NXPE2: variants seen among roughly 807,000 people sequenced by gnomAD.
NXPE2 encodes the protein NXPE family member 2.
Under a neutral mutation model 34.4 loss-of-function variants are expected in NXPE2, and 34 were observed. The ratio of observed to expected loss-of-function variants is 0.99; its 90% CI spans 0.75 to 1.31. The LOEUF (loss-of-function observed/expected upper bound fraction) is 1.31, where lower values mean the gene tolerates loss of function less well. Among genes scored for constraint, NXPE2 ranks in the 40% most tolerant of loss-of-function variants. The probability of loss-of-function intolerance (pLI) is 0.00; values close to 1 mark genes in which losing one functional copy is unlikely to be tolerated. For missense variants in NXPE2, 649 were observed against 672.5 expected, an observed-to-expected ratio of 0.97 and a Z score of 0.39; for synonymous variants, 235 against 231.3, an observed-to-expected ratio of 1.02 and a Z score of -0.15.
the NXPE2 span, among the ~76,000 whole-genome samples, chr11:114,613,782 C>A: frequency 2.0e-5 from 3 of 151,754 alleles, no homozygotes; most frequent in Admixed American, 1.3e-4. Flanking sequence ...TGGTGGGTAA[C>A]CACAGTTAGC....
the NXPE2 span, among the ~76,000 whole-genome samples, chr11:114,737,001 G>A: frequency 6.6e-6 from 1 of 152,134 alleles, no homozygotes; most frequent in Non-Finnish European, 1.5e-5. Flanking sequence ...CAACCTCTGA[G>A]TGCTAGCAAT....
At chr11:114,502,125 A>G in the NXPE2 span, among the ~76,000 whole-genome samples, 2 of 152,166 alleles carry the variant, frequency 1.3e-5, no homozygotes, top group Non-Finnish European at 2.9e-5. Flanking sequence ...TAACTGTGAC[A>G]CATACAAGTG....
intron 2 of NXPE2, among the ~76,000 whole-genome samples, chr11:114,688,313 T>G (rs183431627): frequency 2.6e-5 from 4 of 152,004 alleles, no homozygotes; most frequent in Non-Finnish European, 4.4e-5. Context: ...GGATTTTTAT[T>G]GAATGCTTTT....
Position 114,698,131 on chromosome 11 carries a change from A to G in NXPE2, c.219A>G (p.Pro73=). The G allele has an allele frequency of 6.2e-7, 1 of 1,614,116 alleles. No homozygotes were observed. Among genetic ancestry groups the G allele is most frequent in the Non-Finnish European group, 8.5e-7 (1 of 1,179,946 alleles). Residue 73 remains proline (P), a synonymous_variant, in exon 3 of 6, where the codon CCA becomes CCG. Transcript: ENST00000389586. ...KYSHSETPLC[P]AVSPKETELR... ...CACACTCTGAAACACCACTGTGTCC[A>G]GCAGTTTCACCAAAAGAGACTGAAC...
chr11:114,689,913 C>T (rs1348187656), intron 2 of NXPE2, among the ~76,000 whole-genome samples: 1 of 152,018 alleles, frequency 6.6e-6, no homozygotes, highest in Non-Finnish European at 1.5e-5. Flanking sequence ...GAATAACAAA[C>T]TTGGCTCTTT....
the NXPE2 span, among the ~76,000 whole-genome samples, chr11:114,665,145 A>C: frequency 6.6e-6 from 1 of 152,168 alleles, no homozygotes; most frequent in Non-Finnish European, 1.5e-5. Context: ...TAGCCTTGCC[A>C]CATCTTTCCC....
At chr11:114,614,533 T>A in the NXPE2 span, among the ~76,000 whole-genome samples, 1 of 151,848 alleles carries the variant, frequency 6.6e-6, no homozygotes. Context: ...GGGGAACCAG[T>A]GTTACCCAGT....
At chr11:114,686,662 A>G (rs1951053708) in intron 2 of NXPE2, among the ~76,000 whole-genome samples, 1 of 152,094 alleles carries the variant, frequency 6.6e-6, no homozygotes, top group Admixed American at 6.6e-5. Context: ...TTGAATGGCA[A>G]TTATATTTTT....
At chr11:114,671,682 G>T in the NXPE2 span, among the ~76,000 whole-genome samples, 1 of 152,010 alleles carries the variant, frequency 6.6e-6, no homozygotes, top group Non-Finnish European at 1.5e-5. Context: ...TCAACAGAGT[G>T]TTTTATCTAG....
chr11:114,616,485 G>A, the NXPE2 span, among the ~76,000 whole-genome samples: 1 of 151,652 alleles, frequency 6.6e-6, no homozygotes, highest in Non-Finnish European at 1.5e-5. Flanking sequence ...TTGCCTCGAG[G>A]GTAACCACTG....
At chr11:114,744,445 A>T in the NXPE2 span, among the ~76,000 whole-genome samples, 2 of 152,234 alleles carry the variant, frequency 1.3e-5, no homozygotes, top group Non-Finnish European at 2.9e-5. Flanking sequence ...TTTATTGTTG[A>T]TACTTTTAAA....
At chr11:114,810,053 T>G in the NXPE2 span, among the ~76,000 whole-genome samples, 1 of 151,220 alleles carries the variant, frequency 6.6e-6, no homozygotes, top group East Asian at 2.0e-4. Context: ...TACAACCATC[T>G]GATCTTTGAC....
the NXPE2 span, among the ~76,000 whole-genome samples, chr11:114,594,172 A>G: frequency 6.6e-6 from 1 of 152,110 alleles, no homozygotes; most frequent in African/African-American, 2.4e-5. Flanking sequence ...AAATAGCTAA[A>G]AGAGTATAAT....
At chr11:114,681,158 G>A (rs755092608) in intron 2 of NXPE2, among the ~76,000 whole-genome samples, 1 of 152,006 alleles carries the variant, frequency 6.6e-6, no homozygotes, top group Admixed American at 6.6e-5. Context: ...TCTTTAGACC[G>A]ATACTTTGTC....
At chr11:114,636,523 C>T in the NXPE2 span, among the ~76,000 whole-genome samples, 2 of 151,672 alleles carry the variant, frequency 1.3e-5, no homozygotes, top group East Asian at 1.9e-4. Context: ...TGTGTTTGCT[C>T]TTGCTTTTCT....
At chr11:114,540,180 C>T in the NXPE2 span, among the ~76,000 whole-genome samples, 22 of 152,182 alleles carry the variant, frequency 1.4e-4, no homozygotes, top group African/African-American at 3.9e-4. Flanking sequence ...TGGCCTCAAA[C>T]TCCTGACCTC....
chr11:114,698,187 A>T lies in NXPE2; in HGVS notation c.275A>T (p.Asp92Val), dbSNP rs1317598159. 1 of 1,614,218 alleles carries T rather than the reference A, an allele frequency of 6.2e-7. No individual in the cohort carries two copies. Among genetic ancestry groups the T allele is most frequent in the East Asian group, 2.2e-5 (1 of 44,888 alleles). The stretch of plus-strand genomic sequence containing the variant: ...ATAAAGGACATTATGGAGAAACTAG[A>T]CCAGCAGATCCCACCCAGACCTTTC... The part of the protein sequence containing the change: ...LRIKDIMEKL[D>V]QQIPPRPFTH... Residue 92 changes from aspartate (D) to valine (V), a missense_variant, in exon 3 of 6, where the codon GAC (aspartate) becomes GTC (valine). Asp to Val is a radical substitution (Grantham distance 152). Coordinates refer to ENST00000389586, the MANE Select transcript of NXPE2 (RefSeq NM_182495.6).
chr11:114,605,600 A>G, the NXPE2 span, among the ~76,000 whole-genome samples: 1 of 151,860 alleles, frequency 6.6e-6, no homozygotes, highest in Non-Finnish European at 1.5e-5. Context: ...GTCGGTAACC[A>G]CTGTTACCCG....
chr11:114,809,968 G>C, the NXPE2 span, among the ~76,000 whole-genome samples: 1 of 151,194 alleles, frequency 6.6e-6, no homozygotes, highest in Non-Finnish European at 1.5e-5. Context: ...AACCAAAACA[G>C]CACGGTACTA....
Sources: allele counts gnomAD v4.1 joint callset (sites outside exome capture counted in the v4.1 genomes callset), GRCh38; gene constraint gnomAD v4.1.1; transcripts MANE v1.5; gene names NCBI Gene and HGNC (gene_info 2026-07-23, HGNC 2026-07-21).